Variants in TTLL5 observed in about 807,000 individuals in gnomAD.
The protein encoded by TTLL5 is tubulin tyrosine ligase like 5.
In TTLL5, 132 loss-of-function variants were observed where a neutral mutation model predicts 168.4. The ratio of observed to expected loss-of-function variants is 0.78; its 90% CI spans 0.68 to 0.91. The LOEUF (loss-of-function observed/expected upper bound fraction) is 0.91, where lower values mean the gene tolerates loss of function less well. Ranked by LOEUF, TTLL5 falls within the 40% of genes least tolerant of loss-of-function variation. The probability of loss-of-function intolerance (pLI) is 0.00; values close to 1 mark genes in which losing one functional copy is unlikely to be tolerated. For synonymous variants in TTLL5, 546 were observed against 558.6 expected (o/e 0.98, Z 0.32); for missense variants, 1,545 against 1,581.5 (o/e 0.98, Z 0.39).
intron 30 of TTLL5, among the ~76,000 whole-genome samples, chr14:75,897,855 A>C (rs1479836075): frequency 6.6e-6 from 1 of 152,192 alleles, no homozygotes; most frequent in African/African-American, 2.4e-5. Flanking sequence ...GATTGTAGTA[A>C]GCTTCTTACT....
At chr14:75,683,767 G>T in intron 5 of TTLL5, 111 bp downstream of exon 5, 1 of 705,702 alleles carries the variant, frequency 1.4e-6, no homozygotes, top group Non-Finnish European at 2.3e-6. Flanking sequence ...AAATGAAGAA[G>T]AAGAAGGACT....
intron 15 of TTLL5, among the ~76,000 whole-genome samples, chr14:75,740,109 C>G (rs905199798): frequency 1.3e-5 from 2 of 152,132 alleles, no homozygotes; most frequent in Non-Finnish European, 2.9e-5. Flanking sequence ...GGCACTAACC[C>G]CTAACTGGAA....
chr14:75,948,752 T>G (rs1566673260), intron 31 of TTLL5, among the ~76,000 whole-genome samples: 1 of 152,304 alleles, frequency 6.6e-6, no homozygotes, highest in South Asian at 2.1e-4. Context: ...GGGACATTAT[T>G]ATACATGCTT....
At chr14:75,912,564 T>C (rs894978072) in intron 31 of TTLL5, among the ~76,000 whole-genome samples, 1 of 152,194 alleles carries the variant, frequency 6.6e-6, no homozygotes, top group African/African-American at 2.4e-5. Context: ...AATAAACTTA[T>C]TGTCGTTGAG....
chr14:75,752,871 A>G (rs1443593524), intron 17 of TTLL5, 22 bp from the exon 18 acceptor site: 2 of 1,608,124 alleles, frequency 1.2e-6, no homozygotes, highest in Non-Finnish European at 1.7e-6. Flanking sequence ...AGAAATAACC[A>G]GTTTCTTTCT....
chr14:75,951,121 C>G (rs2034948021), intron 31 of TTLL5, among the ~76,000 whole-genome samples: 1 of 151,872 alleles, frequency 6.6e-6, no homozygotes, highest in African/African-American at 2.4e-5. Flanking sequence ...AGGCAGGAGG[C>G]TCACTTGAGC....
At chr14:75,762,044 G>T (rs1469399068) in intron 18 of TTLL5, among the ~76,000 whole-genome samples, 1 of 152,106 alleles carries the variant, frequency 6.6e-6, no homozygotes, top group African/African-American at 2.4e-5. Context: ...TAGGTGGTAA[G>T]TAGGTATATG....
intron 31 of TTLL5, among the ~76,000 whole-genome samples, chr14:75,906,054 G>T (rs1566654642): frequency 6.6e-6 from 1 of 152,168 alleles, no homozygotes; most frequent in Non-Finnish European, 1.5e-5. Flanking sequence ...TGGGGATGGG[G>T]CAACAGCACA....
intron 22 of TTLL5, 183 bp from the exon 23 acceptor site, chr14:75,776,564 T>TA: frequency 2.1e-6 from 1 of 482,162 alleles, no homozygotes; most frequent in Non-Finnish European, 3.7e-6. Flanking sequence ...CAAAATGTTT[T>TA]ACAAAATCAT....
intron 7 of TTLL5, among the ~76,000 whole-genome samples, chr14:75,702,698 G>A (rs1431537493): frequency 6.6e-6 from 1 of 152,118 alleles, no homozygotes; most frequent in Non-Finnish European, 1.5e-5. Flanking sequence ...CTATGTAAGA[G>A]TCTTTTTCTC....
At chr14:75,864,293 A>C (rs1022409443) in intron 29 of TTLL5, among the ~76,000 whole-genome samples, 5 of 152,236 alleles carry the variant, frequency 3.3e-5, no homozygotes, top group African/African-American at 1.2e-4. Flanking sequence ...TTATCTAACA[A>C]GATTTTCAAG....
chr14:75,788,835 C>T (rs1044985345), intron 26 of TTLL5, among the ~76,000 whole-genome samples: 1 of 151,980 alleles, frequency 6.6e-6, no homozygotes, highest in Admixed American at 6.6e-5. Flanking sequence ...TTTATTAACA[C>T]AAATGCAAAA....
At position 75,783,385 on chromosome 14, in the gene TTLL5, A is replaced by G. The variant is rs777109593; in HGVS notation, c.2841A>G (p.Leu947=). Residue 947 remains leucine (L), a synonymous_variant, in exon 26 of 32, where the codon CTA becomes CTG. Transcript: ENST00000298832. ...NTVSASASPC[L]HPGAQNIPSP... ...TCTCTGCCAGTGCTTCTCCCTGCCT[A>G]CATCCCGGGGCACAGAACATCCCAA... The G allele has an allele frequency of 1.2e-6, 2 of 1,614,152 alleles. No individual in the cohort carries two copies. The highest frequency in any genetic ancestry group is 2.2e-5 in the East Asian group (1 of 44,886).
In TTLL5 at chr14:75,820,077, C is replaced by T; in HGVS notation, c.3242C>T (p.Pro1081Leu). 12 of 1,610,204 alleles carry T rather than the reference C, an allele frequency of 7.5e-6. No individual in the cohort carries two copies. Among genetic ancestry groups the T allele is most frequent in the Non-Finnish European group, 1.0e-5 (12 of 1,178,454 alleles). The change falls in exon 28 of 32, where the codon CCC (proline) becomes CTC (leucine). Residue 1081 changes from proline to leucine, a missense_variant. Coordinates refer to ENST00000298832, the MANE Select transcript of TTLL5 (RefSeq NM_015072.5). ...SSASAPPTLRPIISPSGPTWS... is the reference protein window; with the variant it reads ...SSASAPPTLRLIISPSGPTWS... ...GCTTCAGCTCCCCCAACCCTCCGACCCATCATCAGTCCTAGTGGCCCGACA... is the reference window on the plus strand; with the variant it reads ...GCTTCAGCTCCCCCAACCCTCCGACTCATCATCAGTCCTAGTGGCCCGACA...
chr14:75,917,502 G>T (rs1431398918), intron 31 of TTLL5, among the ~76,000 whole-genome samples: 1 of 152,238 alleles, frequency 6.6e-6, no homozygotes, highest in African/African-American at 2.4e-5. Context: ...TCCCTGCAGT[G>T]TCTGGTTGTT....
chr14:75,858,821 C>T (rs1897264867), intron 28 of TTLL5, among the ~76,000 whole-genome samples: 1 of 151,630 alleles, frequency 6.6e-6, no homozygotes, highest in Admixed American at 6.6e-5. Flanking sequence ...CCCCAGAAAG[C>T]ACCTCCTTCA....
intron 5 of TTLL5, among the ~76,000 whole-genome samples, chr14:75,688,156 A>G (rs1330231014): frequency 1.3e-5 from 2 of 152,062 alleles, no homozygotes; most frequent in African/African-American, 2.4e-5. Flanking sequence ...TAGCTTCCGG[A>G]TGGGGATTGG....
chr14:75,826,554 C>T (rs544965901), intron 28 of TTLL5, among the ~76,000 whole-genome samples: 3 of 151,784 alleles, frequency 2.0e-5, no homozygotes, highest in Non-Finnish European at 4.4e-5. Flanking sequence ...TCTTATTTAA[C>T]TGTTTACTTT....
At chr14:75,889,914 G>A (rs2032315344) in intron 30 of TTLL5, among the ~76,000 whole-genome samples, 1 of 134,966 alleles carries the variant, frequency 7.4e-6, no homozygotes. Flanking sequence ...ATACTCAAAG[G>A]TAATCTGTCA....
Sources: gnomAD v4.1 joint callset for allele counts (sites outside exome capture counted in the v4.1 genomes callset) on GRCh38, gnomAD v4.1.1 for gene constraint, MANE v1.5 for transcripts, NCBI Gene and HGNC (gene_info 2026-07-23, HGNC 2026-07-21) for gene names.